CAD: variants seen among roughly 807,000 people sequenced by gnomAD.
The protein encoded by CAD is multifunctional protein CAD.
A neutral mutation model predicts 237.2 loss-of-function variants in CAD; 81 were observed. That is an observed-to-expected ratio of 0.34 (90% confidence interval 0.29 to 0.41). CAD has a LOEUF of 0.41. CAD is among the 10% of genes least tolerant of loss of function. The pLI is 1.00. For synonymous variants in CAD, 1,196 were observed against 1,162.8 expected, an observed-to-expected ratio of 1.03 and a Z score of -0.58; for missense variants, 2,181 against 2,951.7, an observed-to-expected ratio of 0.74 and a Z score of 6.05.
Position 27,240,710 on chromosome 2 carries a change from C to A in CAD, c.5594-201C>A. The A allele has an allele frequency of 7.4e-7, 1 of 1,359,990 alleles. No individual in the cohort carries two copies. The highest frequency in any genetic ancestry group is 1.4e-5 in the African/African-American group (1 of 69,586). 84.2% of individuals were successfully genotyped at this position (1,359,990 alleles called of 1,614,324 possible). A position where few individuals can be genotyped will look rare whatever the true frequency, so the allele number is the denominator to read the frequency against. On this transcript the variant is annotated intron_variant, in intron 35 of 43. Coordinates refer to ENST00000264705, the MANE Select transcript of CAD (RefSeq NM_004341.5). This position sits in a 1 kb window ranked among gnomAD's most constrained non-coding sequence, Gnocchi z 4.6. ...GGAGAGCCCCGGGAGGGCACCACTG[C>A]TCCCATACAACACAGCCCCATGGGA... is the stretch of plus-strand genomic sequence containing the variant.
intron 1 of CAD, 120 bp downstream of exon 1, chr2:27,217,753 G>A (rs1674939974): frequency 8.4e-6 from 12 of 1,423,434 alleles, no homozygotes; most frequent in Non-Finnish European, 9.5e-6. Context: ...CCCATTCGGT[G>A]CCCATGGGCC....
At chr2:27,227,331 C>G (rs147309854) in intron 15 of CAD, among the ~76,000 whole-genome samples, 2 of 152,146 alleles carry the variant, frequency 1.3e-5, no homozygotes, top group Non-Finnish European at 2.9e-5. Context: ...ATGGCCGTAA[C>G]GTTACCCAGC....
At chr2:27,222,477 G>A in intron 4 of CAD, 42 bp from the exon 5 acceptor site, 1 of 1,605,952 alleles carries the variant, frequency 6.2e-7, no homozygotes, top group Non-Finnish European at 8.5e-7. Flanking sequence ...TACCCACTGA[G>A]CACAGCTGCC....
Position 27,234,577 on chromosome 2 carries a change from T to A in CAD, c.3678T>A (p.Val1226=). Residue 1226 remains valine, a synonymous_variant, in exon 23 of 44, where the codon GTT becomes GTA. Coordinates refer to ENST00000264705, the MANE Select transcript of CAD (RefSeq NM_004341.5). The part of the protein sequence containing the change: ...NVRVSRSFPF[V]SKTLGVDLVA... ...GTGTCTCTCGCTCCTTCCCCTTCGT[T>A]TCCAAGACACTGGGTGTGGACCTAG... 1 of 1,614,038 alleles carries A rather than the reference T, an allele frequency of 6.2e-7. No homozygotes were observed. Among genetic ancestry groups the A allele is most frequent in the East Asian group, 2.2e-5 (1 of 44,886 alleles).
chr2:27,238,143 A>G lies in CAD; in HGVS notation c.4816A>G (p.Thr1606Ala), dbSNP rs1379037941. Residue 1606 changes from threonine (T) to alanine (A), a missense_variant, in exon 30 of 44, where the codon ACT becomes GCT. By Grantham distance (58) the Thr-to-Ala change is moderately conservative (BLOSUM62 0). Around this residue, in one of 12 missense-constraint regions of CAD, gnomAD observed 478 missense variants for 515.0 expected, o/e 0.93. Transcript: ENST00000264705. ...TGCTGTCCTCATGGTGGCTCAGCTC[A>G]CTCAGCGCTCAGTGCACATATGTCA... Reference protein sequence around the residue: ...VAAVLMVAQLTQRSVHICHVA... With the variant: ...VAAVLMVAQLAQRSVHICHVA... 17 of 1,614,024 alleles carry G rather than the reference A, an allele frequency of 1.1e-5. No individual in the cohort carries two copies. The highest frequency in any genetic ancestry group is 1.7e-5 in the Admixed American group (1 of 59,998).
intron 6 of CAD, 54 bp from the exon 7 acceptor site, chr2:27,223,509 A>G: frequency 6.6e-7 from 1 of 1,511,776 alleles, no homozygotes; most frequent in Non-Finnish European, 9.2e-7. Flanking sequence ...GGGTAGGTTC[A>G]GTAGTGAAGA....
chr2:27,234,378 G>T (rs1675904211), intron 22 of CAD, 140 bp from the exon 23 acceptor site: 4 of 1,118,082 alleles, frequency 3.6e-6, no homozygotes, highest in Non-Finnish European at 5.4e-6. Flanking sequence ...TCATGGTGTT[G>T]GGGCTTATGA....
Position 27,239,822 on chromosome 2 carries a change from G to A in CAD, c.5496+24G>A, listed in dbSNP as rs1196769947. 1.4e-6 allele frequency: 2 copies of A among 1,477,088 alleles called. No homozygotes were observed. Among genetic ancestry groups the A allele is most frequent in the Non-Finnish European group, 1.8e-6 (2 of 1,098,290 alleles). The allele number at this position is 1,477,088 out of a possible 1,614,324, so 91.5% of individuals were successfully genotyped here. A position where few individuals can be genotyped will look rare whatever the true frequency, so the allele number is the denominator to read the frequency against. On this transcript the variant is annotated intron_variant, in intron 34 of 43. Transcript: ENST00000264705. The surrounding 1 kb of genome is among the most constrained non-coding windows in gnomAD (Gnocchi z 4.0). Reference sequence around the variant, plus strand: ...CGGTATCCACACTACTGGGCTAGGGGGCTGGGAGGTGTTAGTCTCAGGGCA... The same window carrying A: ...CGGTATCCACACTACTGGGCTAGGGAGCTGGGAGGTGTTAGTCTCAGGGCA...
In CAD at chr2:27,234,548, G is replaced by C. The variant is rs752815429; in HGVS notation, c.3649G>C (p.Val1217Leu). The C allele has an allele frequency of 1.2e-6, 2 of 1,614,028 alleles. No individual in the cohort carries two copies. Among genetic ancestry groups the C allele is most frequent in the South Asian group, 1.1e-5 (1 of 91,078 alleles). Reference protein sequence around the residue: ...DDQLKVIECNVRVSRSFPFVS... With the variant: ...DDQLKVIECNLRVSRSFPFVS... ...CCAGCTGAAAGTTATTGAATGCAAC[G>C]TACGTGTCTCTCGCTCCTTCCCCTT... is the stretch of plus-strand genomic sequence containing the variant. The change falls in exon 23 of 44, where the codon GTA (valine) becomes CTA (leucine). Residue 1217 changes from valine (V) to leucine (L), a missense_variant. Around this residue, in one of 12 missense-constraint regions of CAD, gnomAD observed 306 missense variants for 607.9 expected, o/e 0.50. Coordinates refer to ENST00000264705, the MANE Select transcript of CAD (RefSeq NM_004341.5).
Position 27,237,967 on chromosome 2 carries a change from G to A in CAD, c.4728+85G>A. On this transcript the variant is annotated intron_variant, in intron 29 of 43. Transcript: ENST00000264705. This position sits in a 1 kb window ranked among gnomAD's most constrained non-coding sequence, Gnocchi z 4.0. ...TGCCTAAGTGGGCTGGTAGCAGTGA[G>A]GATTCAGGGGAGCTCCTGGGGACTC... The A allele has an allele frequency of 1.3e-6, 2 of 1,579,812 alleles. No homozygotes were observed. Among genetic ancestry groups the A allele is most frequent in the Non-Finnish European group, 1.7e-6 (2 of 1,160,090 alleles).
At chr2:27,229,581 C>A (rs536459469) in intron 15 of CAD, among the ~76,000 whole-genome samples, 93 of 152,088 alleles carry the variant, frequency 6.1e-4, no homozygotes, top group Admixed American at 2.0e-3. Context: ...ATTGTAAACA[C>A]TTAAAAGCGA....
chr2:27,231,685 G>A, intron 16 of CAD, 105 bp downstream of exon 16: 1 of 741,736 alleles, frequency 1.3e-6, no homozygotes. Flanking sequence ...AGTCATCATT[G>A]GACATTTGCT....
At chr2:27,224,589 G>C in intron 9 of CAD, 99 bp downstream of exon 9, 2 of 1,555,746 alleles carry the variant, frequency 1.3e-6, no homozygotes, top group South Asian at 1.2e-5. Flanking sequence ...AAATGAACCA[G>C]ATTTGGGGAA....
At position 27,242,934 on chromosome 2, in the gene CAD, C is replaced by G. The variant is rs1249467424; in HGVS notation, c.6441C>G (p.Ile2147Met). The change falls in exon 42 of 44, where the codon ATC (isoleucine) becomes ATG (methionine). Residue 2147 changes from isoleucine (I) to methionine (M), a missense_variant. Ile to Met is a conservative substitution (Grantham distance 10, BLOSUM62 1). Around this residue, in one of 12 missense-constraint regions of CAD, gnomAD observed 170 missense variants for 212.1 expected, o/e 0.80. Coordinates refer to ENST00000264705, the MANE Select transcript of CAD (RefSeq NM_004341.5). The surrounding 1 kb of genome is among the most constrained non-coding windows in gnomAD (Gnocchi z 6.4). ...CTGATGTGCTCTACATGACTCGAAT[C>G]CAGAAGGAACGATTTGGCTCTACCC... is the stretch of plus-strand genomic sequence containing the variant. ...PDTDVLYMTR[I>M]QKERFGSTQE... The G allele has an allele frequency of 1.9e-6, 3 of 1,608,930 alleles. No homozygotes were observed. Among genetic ancestry groups the G allele is most frequent in the African/African-American group, 2.7e-5 (2 of 74,830 alleles).
Position 27,217,494 on chromosome 2 carries a change from GGA to G in CAD, c.-56_-55del, listed in dbSNP as rs1674919786. On this transcript the variant is annotated 5_prime_UTR_variant, in exon 1 of 44. Transcript: ENST00000264705. Reference sequence around the variant, plus strand: ...CGCGCCGTCCTCACGTGGTTCCAGTGGAGTTTGCAGTCCTTCCCGCTTCTCCG... The same window carrying G: ...CGCGCCGTCCTCACGTGGTTCCAGTGGTTTGCAGTCCTTCCCGCTTCTCCG... 7.1e-7 allele frequency: 1 copy of G among 1,406,912 alleles called. No homozygotes were observed. The highest frequency in any genetic ancestry group is 1.2e-5 in the South Asian group (1 of 81,754). The allele number at this position is 1,406,912 out of a possible 1,614,324, so 87.2% of individuals were successfully genotyped here. A position where few individuals can be genotyped will look rare whatever the true frequency, so the allele number is the denominator to read the frequency against.
intron 15 of CAD, among the ~76,000 whole-genome samples, chr2:27,228,707 T>C (rs80310258): frequency 0.056 from 8,478 of 152,184 alleles, 268 homozygotes; most frequent in African/African-American, 0.082. Flanking sequence ...TTCTCCTGTC[T>C]CAGCCTCCAG....
intron 3 of CAD, among the ~76,000 whole-genome samples, 164 bp downstream of exon 3, chr2:27,221,511 A>G (rs1675162820): frequency 6.6e-6 from 1 of 152,206 alleles, no homozygotes. Flanking sequence ...ACTCAGAAAG[A>G]AAATTTCCAA....
In CAD at chr2:27,242,706, C is replaced by T. The variant is rs762481652; in HGVS notation, c.6309C>T (p.Tyr2103=). The change falls in exon 41 of 44, where the codon TAC becomes TAT. Residue 2103 remains tyrosine, a synonymous_variant. Transcript: ENST00000264705. This position sits in a 1 kb window ranked among gnomAD's most constrained non-coding sequence, Gnocchi z 6.4. ...CCCAGTATCGTGTCAGCCTGCGCTA[C>T]GTGGCACCTCCCAGCCTGCGCATGC... ...LLTQYRVSLR[Y]VAPPSLRMPP... is the part of the protein sequence containing the mutation. 12 of 1,614,154 alleles carry T rather than the reference C, an allele frequency of 7.4e-6. No individual in the cohort carries two copies. The highest frequency in any genetic ancestry group is 5.0e-5 in the Admixed American group (3 of 60,012).
chr2:27,222,467 T>C, intron 4 of CAD, 52 bp from the exon 5 acceptor site: 1 of 1,602,194 alleles, frequency 6.2e-7, no homozygotes, highest in Non-Finnish European at 8.5e-7. Flanking sequence ...GCATATCTTA[T>C]ACCCACTGAG....
Sources: allele counts gnomAD v4.1 joint callset (sites outside exome capture counted in the v4.1 genomes callset), GRCh38; gene constraint gnomAD v4.1.1; regional missense constraint gnomAD v4.1.1; non-coding constraint Gnocchi (gnomAD v3.1); transcripts MANE v1.5; gene names NCBI Gene and HGNC (gene_info 2026-07-23, HGNC 2026-07-21).